ELFN1: variants seen among roughly 807,000 people sequenced by gnomAD.
ELFN1 encodes extracellular leucine rich repeat and fibronectin type III domain containing 1.
A neutral mutation model predicts 7.6 loss-of-function variants in ELFN1; 6 were observed. The ratio of observed to expected loss-of-function variants is 0.79; its 90% CI spans 0.43 to 1.56. The LOEUF (loss-of-function observed/expected upper bound fraction) is 1.56, where lower values mean the gene tolerates loss of function less well. ELFN1 is among the 40% of genes most tolerant of loss of function. The pLI is 0.01. For synonymous variants in ELFN1, 657 were observed against 588.1 expected (o/e 1.12, Z -1.70); for missense variants, 1,169 against 1,232.2 (o/e 0.95, Z 0.77).
At chr7:1,683,906 TG>T (rs1243532986) in intron 1 of ELFN1, among the ~76,000 whole-genome samples, 1 of 152,160 alleles carries the variant, frequency 6.6e-6, no homozygotes, top group Admixed American at 6.5e-5. Context: ...CCCAGCACTT[TG>T]GGAGGCCAAG....
At chr7:1,678,749 TG>T (rs1415150523) in intron 1 of ELFN1, among the ~76,000 whole-genome samples, 1 of 152,244 alleles carries the variant, frequency 6.6e-6, no homozygotes, top group Non-Finnish European at 1.5e-5. Context: ...CTTTGCCCTC[TG>T]TCTGCCCACG....
At chr7:1,691,748 C>T (rs1299965519) in intron 2 of ELFN1, among the ~76,000 whole-genome samples, 5 of 152,218 alleles carry the variant, frequency 3.3e-5, no homozygotes, top group Non-Finnish European at 5.9e-5. Context: ...CCTCCCTGTG[C>T]AGCTGTCTGA....
rs1292480426 is a variant in ELFN1 at position 1,745,574 on chromosome 7, G to C, written c.978G>C (p.Gln326His). 3 of 1,550,436 alleles carry C rather than the reference G, an allele frequency of 1.9e-6. No homozygotes were observed. The Admixed American group carries it at 5.9e-5, about 30-fold the overall frequency. The change falls in exon 4 of 4, where the codon CAG becomes CAC. Residue 326 changes from glutamine to histidine, a missense_variant. Transcript: ENST00000424383. ...RPLIKVKQLT[Q>H]NSATITVQLP... ...TCATCAAGGTCAAGCAGCTCACTCA[G>C]AACTCGGCCACCATCACCGTCCAGC...
chr7:1,698,904 TG>T (rs927168785), intron 2 of ELFN1, among the ~76,000 whole-genome samples: 5 of 152,258 alleles, frequency 3.3e-5, no homozygotes, highest in African/African-American at 1.2e-4. Context: ...CAGCCCCCCG[TG>T]TCACCAGCCC....
intron 3 of ELFN1, among the ~76,000 whole-genome samples, chr7:1,727,526 G>A (rs1780230472): frequency 6.6e-6 from 1 of 152,128 alleles, no homozygotes; most frequent in Admixed American, 6.5e-5. Context: ...GCCCCAAGCT[G>A]TCTCCCCAGC....
intron 3 of ELFN1, among the ~76,000 whole-genome samples, chr7:1,729,581 G>A (rs889670756): frequency 2.6e-5 from 4 of 152,200 alleles, no homozygotes; most frequent in Non-Finnish European, 4.4e-5. Context: ...TGCCCAGGAC[G>A]GACACGGCTT....
At chr7:1,728,097 C>T (rs1311652679) in intron 3 of ELFN1, among the ~76,000 whole-genome samples, 1 of 152,162 alleles carries the variant, frequency 6.6e-6, no homozygotes, top group Non-Finnish European at 1.5e-5. Context: ...CCTTCCTGCT[C>T]CACCCAGGGG....
chr7:1,714,192 T>C (rs1180002241), intron 3 of ELFN1, among the ~76,000 whole-genome samples: 1 of 152,112 alleles, frequency 6.6e-6, no homozygotes, highest in East Asian at 1.9e-4. Flanking sequence ...CTTCTAGAGA[T>C]TCCCCAGCCC....
chr7:1,743,024 G>A (rs1002098726), intron 3 of ELFN1, among the ~76,000 whole-genome samples: 1 of 152,164 alleles, frequency 6.6e-6, no homozygotes, highest in Non-Finnish European at 1.5e-5. Context: ...ATCCTGCAGG[G>A]AAAACACAGG....
intron 1 of ELFN1, among the ~76,000 whole-genome samples, chr7:1,676,719 C>T (rs908352629): frequency 1.3e-5 from 2 of 152,206 alleles, no homozygotes; most frequent in Non-Finnish European, 2.9e-5. Context: ...AATGGCCCCG[C>T]AGCCGAGACA....
chr7:1,694,235 G>T (rs564688702), intron 2 of ELFN1: 4 of 197,986 alleles, frequency 2.0e-5, no homozygotes, highest in Non-Finnish European at 4.2e-5. Flanking sequence ...GGCCGGTGCC[G>T]GGCAGGGCTG....
At chr7:1,724,894 G>T (rs547660402) in intron 3 of ELFN1, among the ~76,000 whole-genome samples, 1 of 152,082 alleles carries the variant, frequency 6.6e-6, no homozygotes, top group Non-Finnish European at 1.5e-5. Context: ...ACTTCTGAGG[G>T]CATCATCATC....
chr7:1,675,309 A>G (rs1181585782), intron 1 of ELFN1, among the ~76,000 whole-genome samples: 1 of 152,214 alleles, frequency 6.6e-6, no homozygotes, highest in Non-Finnish European at 1.5e-5. Flanking sequence ...ACATGTGGCC[A>G]GGTGGCGGCC....
In ELFN1 at chr7:1,726,517, G is replaced by C. The variant is rs1780201781; in HGVS notation, c.-294+17265G>C. ...CTCCCCCGAGGCCTCACGCCCACCA[G>C]AGTGTGCTCCCCGGGGTCCCTGGAT... On this transcript the variant is annotated intron_variant, in intron 3 of 3. Transcript: ENST00000424383. Among the ~76,000 whole-genome samples the C allele has an allele frequency of 2.0e-5, 3 of 152,334 alleles. No homozygotes were observed. The South Asian group carries it at 6.2e-4, about 32-fold the overall frequency.
At chr7:1,712,174 G>GTTTCTTTTCT (rs372598967) in intron 3 of ELFN1, among the ~76,000 whole-genome samples, 15 of 152,152 alleles carry the variant, frequency 9.9e-5, no homozygotes, top group African/African-American at 3.6e-4. Flanking sequence ...AAGTTTGTCT[G>GTTTCTTTTCT]TTTCTTTTCT....
intron 1 of ELFN1, among the ~76,000 whole-genome samples, chr7:1,682,682 T>A (rs1243243486): frequency 6.6e-6 from 1 of 151,566 alleles, no homozygotes; most frequent in Non-Finnish European, 1.5e-5. Context: ...TCTCCTCAAA[T>A]GATCTTCCCA....
intron 1 of ELFN1, among the ~76,000 whole-genome samples, chr7:1,684,079 G>A (rs538286902): frequency 1.3e-5 from 2 of 152,216 alleles, no homozygotes; most frequent in African/African-American, 4.8e-5. Flanking sequence ...GAGTGTGGGA[G>A]GTTGAGGCTG....
intron 2 of ELFN1, among the ~76,000 whole-genome samples, chr7:1,694,722 A>C (rs1779262873): frequency 6.6e-6 from 1 of 152,100 alleles, no homozygotes; most frequent in Non-Finnish European, 1.5e-5. Context: ...TGACACCAAG[A>C]CGTCACTGTC....
At chr7:1,718,988 GCCC>G (rs2128591537) in intron 3 of ELFN1, among the ~76,000 whole-genome samples, 1 of 152,080 alleles carries the variant, frequency 6.6e-6, no homozygotes, top group Non-Finnish European at 1.5e-5. Flanking sequence ...CTCTTTTTTT[GCCC>G]CCAAGAGTGT....
Sources: allele counts gnomAD v4.1 joint callset (sites outside exome capture counted in the v4.1 genomes callset), GRCh38; gene constraint gnomAD v4.1.1; transcripts MANE v1.5; gene names NCBI Gene and HGNC (gene_info 2026-07-23, HGNC 2026-07-21).